The following GUCY1A2 variants were observed in gnomAD, a reference collection of about 807,000 sequenced individuals.
GUCY1A2 encodes the protein guanylate cyclase 1 soluble subunit alpha 2.
GUCY1A2 carries 27 observed loss-of-function variants against 63.5 expected under a neutral mutation model. The ratio of observed to expected loss-of-function variants is 0.43; its 90% confidence interval spans 0.31 to 0.59. GUCY1A2 has a LOEUF of 0.59. Among genes scored for constraint, GUCY1A2 ranks in the 20% least tolerant of loss-of-function variants. The pLI is 0.11. For missense variants in GUCY1A2, 768 were observed against 913.3 expected, an observed-to-expected ratio of 0.84 and a Z score of 2.05; for synonymous variants, 364 against 343.5, an observed-to-expected ratio of 1.06 and a Z score of -0.66.
chr11:106,929,968 T>C (rs1439347431), intron 4 of GUCY1A2, among the ~76,000 whole-genome samples: 1 of 152,286 alleles, frequency 6.6e-6, no homozygotes, highest in African/African-American at 2.4e-5. Flanking sequence ...TACAGATAAA[T>C]ACTAATGGAT....
chr11:106,882,889 A>G (rs1859845144), intron 4 of GUCY1A2, among the ~76,000 whole-genome samples: 1 of 152,032 alleles, frequency 6.6e-6, no homozygotes, highest in Admixed American at 6.6e-5. Flanking sequence ...CTGAAACTAT[A>G]AAACCAACCC....
chr11:106,853,940 A>T (rs976704889), intron 4 of GUCY1A2, among the ~76,000 whole-genome samples: 8 of 152,330 alleles, frequency 5.3e-5, no homozygotes, highest in African/African-American at 1.9e-4. Context: ...CCTCAGTGAC[A>T]CTGGCTGCAG....
At position 106,686,707 on chromosome 11, in the gene GUCY1A2, T is replaced by C. The variant is rs184425922; in HGVS notation, c.*842A>G. On this transcript the variant is annotated 3_prime_UTR_variant, in exon 8 of 8. Transcript: ENST00000526355. ...ATTTTAACTGATATTTGTTAGAAGG[T>C]GGCAAAAAGACCTTTCTTTAATCTT... 700 of 209,300 alleles carry C rather than the reference T, an allele frequency of 3.3e-3. 3 individuals carry two copies. The highest frequency in any genetic ancestry group is 0.015 in the African/African-American group (647 of 44,126). 13.0% of individuals were successfully genotyped at this position (209,300 alleles called of 1,614,324 possible).
chr11:106,952,081 T>C (rs773651871), intron 3 of GUCY1A2, among the ~76,000 whole-genome samples: 1 of 152,314 alleles, frequency 6.6e-6, no homozygotes, highest in East Asian at 1.9e-4. Flanking sequence ...GTCTCTGTAC[T>C]GCTCCATTGG....
intron 4 of GUCY1A2, among the ~76,000 whole-genome samples, chr11:106,921,282 C>T (rs747905416): frequency 2.6e-5 from 4 of 152,104 alleles, no homozygotes; most frequent in Non-Finnish European, 5.9e-5. Flanking sequence ...TCTTACTGGA[C>T]CTGACTAGAA....
At chr11:106,761,649 A>G (rs1864068566) in intron 6 of GUCY1A2, among the ~76,000 whole-genome samples, 1 of 152,194 alleles carries the variant, frequency 6.6e-6, no homozygotes, top group Admixed American at 6.6e-5. Flanking sequence ...TAAAACAGGA[A>G]TTAGTAATTT....
At chr11:106,793,760 T>C (rs1427795867) in intron 5 of GUCY1A2, among the ~76,000 whole-genome samples, 1 of 151,950 alleles carries the variant, frequency 6.6e-6, no homozygotes, top group Non-Finnish European at 1.5e-5. Flanking sequence ...CAGCTCAAAA[T>C]TAGTAATCAT....
chr11:106,800,073 C>A (rs1056009960), intron 5 of GUCY1A2, among the ~76,000 whole-genome samples: 5 of 152,084 alleles, frequency 3.3e-5, no homozygotes, highest in Admixed American at 6.6e-5. Flanking sequence ...AACAAGTGGG[C>A]GAAGGATATG....
intron 4 of GUCY1A2, among the ~76,000 whole-genome samples, chr11:106,924,511 G>C (rs1485038938): frequency 2.0e-5 from 3 of 152,182 alleles, no homozygotes; most frequent in Non-Finnish European, 4.4e-5. Flanking sequence ...TCTAGAGCCT[G>C]ACCATTTGGG....
intron 4 of GUCY1A2, among the ~76,000 whole-genome samples, chr11:106,887,077 T>C (rs575239650): frequency 1.3e-5 from 2 of 152,228 alleles, no homozygotes; most frequent in Non-Finnish European, 1.5e-5. Flanking sequence ...TTATCTCCTC[T>C]GAGTGTCTTT....
rs1334619318 is a variant in GUCY1A2, at chr11:106,816,006, A to T, written c.1207-5528T>A. Among the ~76,000 whole-genome samples, 8 of 152,142 alleles carry T rather than the reference A, an allele frequency of 5.3e-5. No individual in the cohort carries two copies. The South Asian group carries it at 1.7e-3, about 32-fold the overall frequency. ...TGCAGGACTATGAAAGAATAAATTT[A>T]TGTTGTTTTAAGCTACCAAGTTTGT... On this transcript the variant is annotated intron_variant, in intron 4 of 7. Coordinates refer to ENST00000526355, the MANE Select transcript of GUCY1A2 (RefSeq NM_000855.3).
chr11:106,699,666 G>C lies in GUCY1A2; in HGVS notation c.1991+8846C>G, dbSNP rs191518576. Among the ~76,000 whole-genome samples the C allele has an allele frequency of 5.9e-5, 9 of 152,206 alleles. 1 individual carries two copies. The highest frequency in any genetic ancestry group is 2.2e-4 in the African/African-American group (9 of 41,528). On this transcript the variant is annotated intron_variant, in intron 7 of 7. Coordinates refer to ENST00000526355, the MANE Select transcript of GUCY1A2 (RefSeq NM_000855.3). ...TTCCCTTCATACTAGTTAGGAATGGGACCTAAAGAAAAACAGCAAAACTTT... is the reference window on the plus strand; with the variant it reads ...TTCCCTTCATACTAGTTAGGAATGGCACCTAAAGAAAAACAGCAAAACTTT...
intron 4 of GUCY1A2, among the ~76,000 whole-genome samples, chr11:106,923,583 C>A (rs1860478315): frequency 1.3e-5 from 2 of 150,398 alleles, no homozygotes; most frequent in Admixed American, 1.3e-4. Context: ...AATATTGCAG[C>A]AATTTTTTTT....
intron 1 of GUCY1A2, among the ~76,000 whole-genome samples, chr11:107,007,445 C>A (rs915550157): frequency 6.6e-5 from 10 of 152,180 alleles, no homozygotes; most frequent in Non-Finnish European, 2.9e-5. Context: ...ACTCATTATT[C>A]CTGAAGACAT....
chr11:106,926,120 T>G (rs1452742542), intron 4 of GUCY1A2, among the ~76,000 whole-genome samples: 1 of 152,052 alleles, frequency 6.6e-6, no homozygotes, highest in Non-Finnish European at 1.5e-5. Flanking sequence ...CAAAAACATC[T>G]AGAAATTTAT....
Position 106,810,148 on chromosome 11 carries a change from G to C in GUCY1A2, c.1537C>G (p.Gln513Glu), listed in dbSNP as rs777522221. 1.2e-6 allele frequency: 2 copies of C among 1,613,946 alleles called. No individual in the cohort carries two copies. Among genetic ancestry groups the C allele is most frequent in the East Asian group, 2.2e-5 (1 of 44,870 alleles). The change falls in exon 5 of 8, where the codon CAG becomes GAG. Residue 513 changes from glutamine to glutamate, a missense_variant. Gln to Glu is a conservative substitution (Grantham distance 29). Coordinates refer to ENST00000526355, the MANE Select transcript of GUCY1A2 (RefSeq NM_000855.3). ...AQQLWQGQQV[Q>E]ARKFDDVTML... is the part of the protein sequence containing the mutation. ...GTGACATCATCAAACTTTCTGGCCT[G>C]TACTTGCTGCCCTTGCCATAATTGC...
At chr11:106,949,728 GTAGA>G (rs1404765165) in intron 3 of GUCY1A2, among the ~76,000 whole-genome samples, 4 of 152,172 alleles carry the variant, frequency 2.6e-5, no homozygotes, top group African/African-American at 7.2e-5. Flanking sequence ...CCAAAAAAGA[GTAGA>G]TAGATAGGGG....
chr11:106,827,337 A>T (rs966688992), intron 4 of GUCY1A2: 17 of 1,560,020 alleles, frequency 1.1e-5, no homozygotes, highest in Non-Finnish European at 1.5e-5. Flanking sequence ...CTGCTCCTGC[A>T]TCGAAGAAAG....
intron 2 of GUCY1A2, among the ~76,000 whole-genome samples, chr11:106,980,908 C>T (rs1274017982): frequency 6.6e-6 from 1 of 152,114 alleles, no homozygotes; most frequent in Admixed American, 6.5e-5. Context: ...TCAACCTCCA[C>T]CATTTTTATC....
Sources: allele counts gnomAD v4.1 joint callset (sites outside exome capture counted in the v4.1 genomes callset), GRCh38; gene constraint gnomAD v4.1.1; transcripts MANE v1.5; gene names NCBI Gene and HGNC (gene_info 2026-07-23, HGNC 2026-07-21).